SEC11A: variants seen among roughly 807,000 people sequenced by gnomAD.
SEC11A encodes SEC11 homolog A, signal peptidase complex subunit.
A neutral mutation model predicts 25.6 loss-of-function variants in SEC11A; 14 were observed. That is an observed-to-expected ratio of 0.55 (90% CI 0.36 to 0.85). The LOEUF is 0.85. Ranked by LOEUF, SEC11A falls within the 40% of genes least tolerant of loss-of-function variation. The pLI, the probability that SEC11A is intolerant of heterozygous loss-of-function variation, is 0.01. For missense variants in SEC11A, 153 were observed against 222.9 expected (o/e 0.69, Z 2.00); for synonymous variants, 83 against 76.4 (o/e 1.09, Z -0.45).
chr15:84,671,787 G>C (rs1896990184), intron 4 of SEC11A: 1 of 152,168 alleles, frequency 6.6e-6, no homozygotes, highest in Non-Finnish European at 1.5e-5. Context: ...ATGTCTGAAT[G>C]TCCGGGCCTT....
At chr15:84,680,927 G>T (rs1897269247) in intron 3 of SEC11A, 95 bp from the exon 4 acceptor site, 1 of 1,067,882 alleles carries the variant, frequency 9.4e-7, no homozygotes, top group Non-Finnish European at 1.3e-6. Flanking sequence ...TTGTGGCACT[G>T]GGGTATCTTT....
chr15:84,698,419 T>G (rs1897827488), intron 1 of SEC11A, among the ~76,000 whole-genome samples: 1 of 152,154 alleles, frequency 6.6e-6, no homozygotes, highest in Non-Finnish European at 1.5e-5. Flanking sequence ...ATCACAATTC[T>G]CCTGCTTTCT....
intron 1 of SEC11A, 38 bp downstream of exon 1, chr15:84,715,987 A>G (rs1898453918): frequency 6.2e-7 from 1 of 1,606,560 alleles, no homozygotes; most frequent in Non-Finnish European, 8.5e-7. Context: ...TCGAAGGGAC[A>G]AGAAGAGCCA....
At chr15:84,681,643 CA>C (rs993630848) in intron 3 of SEC11A, among the ~76,000 whole-genome samples, 1 of 151,730 alleles carries the variant, frequency 6.6e-6, no homozygotes, top group African/African-American at 2.4e-5. Context: ...ACGAAAAAAA[CA>C]AAAAAACAAG....
chr15:84,708,360 C>A (rs530742007), intron 1 of SEC11A, among the ~76,000 whole-genome samples: 12 of 151,716 alleles, frequency 7.9e-5, no homozygotes, highest in Middle Eastern at 3.2e-3. Flanking sequence ...AATGTTGATA[C>A]CCTGCCAGTA....
intron 5 of SEC11A, chr15:84,670,315 C>T: frequency 2.9e-6 from 1 of 341,200 alleles, no homozygotes; most frequent in Non-Finnish European, 5.4e-6. Flanking sequence ...AGTGCAGCAG[C>T]AACCTCCACC....
At chr15:84,699,721 T>TG in intron 1 of SEC11A, among the ~76,000 whole-genome samples, 6 of 151,466 alleles carry the variant, frequency 4.0e-5, no homozygotes, top group African/African-American at 1.5e-4. Context: ...GCCCAGGAGT[T>TG]CAAGACCTGC....
At chr15:84,676,780 C>G (rs1897145370) in intron 4 of SEC11A, among the ~76,000 whole-genome samples, 1 of 146,376 alleles carries the variant, frequency 6.8e-6, no homozygotes, top group East Asian at 2.1e-4. Context: ...GAGCAAAACT[C>G]CATCTCAAAA....
chr15:84,690,566 A>T (rs1897574388), intron 2 of SEC11A, among the ~76,000 whole-genome samples: 5 of 152,108 alleles, frequency 3.3e-5, no homozygotes, highest in Admixed American at 3.3e-4. Flanking sequence ...GCAGTGAGTT[A>T]TGACGGCGCC....
Position 84,680,727 on chromosome 15 carries a change from C to T in SEC11A, c.417G>A (p.Val139=). ...TCTATACTTACCCCCTGGCTCTCCC[C>T]ACAACATCTTTTTTCTCTAGCCAAT... The part of the protein sequence containing the change: ...GQHWLEKKDV[V]GRARGFVPYI... The change falls in exon 4 of 6, where the codon GTG becomes GTA. Residue 139 remains valine, a synonymous_variant. Coordinates refer to ENST00000268220, the MANE Select transcript of SEC11A (RefSeq NM_014300.4). 6.2e-7 allele frequency: 1 copy of T among 1,612,048 alleles called. No homozygotes were observed. Among genetic ancestry groups the T allele is most frequent in the Admixed American group, 1.7e-5 (1 of 59,840 alleles).
intron 1 of SEC11A, among the ~76,000 whole-genome samples, chr15:84,701,623 CA>C (rs1897945036): frequency 6.6e-6 from 1 of 151,700 alleles, no homozygotes; most frequent in Non-Finnish European, 1.5e-5. Flanking sequence ...AAACAACGTT[CA>C]ATTATATGCT....
chr15:84,671,375 T>A (rs1853561411), intron 4 of SEC11A: 1 of 152,230 alleles, frequency 6.6e-6, no homozygotes, highest in South Asian at 2.1e-4. Flanking sequence ...TTGGCAGCAT[T>A]TGACTTTCAT....
intron 3 of SEC11A, among the ~76,000 whole-genome samples, chr15:84,682,131 T>G (rs910605211): frequency 6.6e-6 from 1 of 152,016 alleles, no homozygotes; most frequent in African/African-American, 2.4e-5. Flanking sequence ...TATATATTAA[T>G]CATCACTGGG....
chr15:84,705,078 C>G (rs1346824568), intron 1 of SEC11A, among the ~76,000 whole-genome samples: 1 of 152,092 alleles, frequency 6.6e-6, no homozygotes. Flanking sequence ...GTGAGTACCA[C>G]CACGCCTGGC....
chr15:84,709,086 T>TA lies in SEC11A; in HGVS notation c.51+6938dup, dbSNP rs200628080. Reference sequence around the variant, plus strand: ...AGGGATCTAGTCACATCCTGGCCAATAAAAAAAATCTCAGCAAGCAGAGAA... The same window carrying TA: ...AGGGATCTAGTCACATCCTGGCCAATAAAAAAAAATCTCAGCAAGCAGAGAA... On this transcript the variant is annotated intron_variant, in intron 1 of 5. Coordinates refer to ENST00000268220, the MANE Select transcript of SEC11A (RefSeq NM_014300.4). Among the ~76,000 whole-genome samples the TA allele has an allele frequency of 8.9e-3, 1,359 of 151,876 alleles. 25 individuals are homozygous for TA. The highest frequency in any genetic ancestry group is 0.031 in the African/African-American group (1,289 of 41,418).
chr15:84,677,597 A>T (rs1451595394), intron 4 of SEC11A, among the ~76,000 whole-genome samples: 1 of 150,560 alleles, frequency 6.6e-6, no homozygotes, highest in Non-Finnish European at 1.5e-5. Flanking sequence ...CTCAGCCTCC[A>T]GAGTCACTGG....
rs575076215 is a variant in SEC11A, at chr15:84,700,394, G to T, written c.52-8750C>A. Among the ~76,000 whole-genome samples, 13 of 151,312 alleles carry T rather than the reference G, an allele frequency of 8.6e-5. 1 individual carries two copies. The highest frequency in any genetic ancestry group is 3.2e-4 in the African/African-American group (13 of 40,818). On this transcript the variant is annotated intron_variant, in intron 1 of 5. Coordinates refer to ENST00000268220, the MANE Select transcript of SEC11A (RefSeq NM_014300.4). Reference sequence around the variant, plus strand: ...GCAGATCACATGGTCAGGAGTTCTAGACTGGCCTGGCCAACATGGTAAAAT... The same window carrying T: ...GCAGATCACATGGTCAGGAGTTCTATACTGGCCTGGCCAACATGGTAAAAT...
chr15:84,679,215 T>C, intron 4 of SEC11A: 1 of 1,151,270 alleles, frequency 8.7e-7, no homozygotes, highest in African/African-American at 1.6e-5. Context: ...TTGGAGAGTT[T>C]AAATAATCAC....
At chr15:84,690,936 A>G (rs747763034) in intron 2 of SEC11A, among the ~76,000 whole-genome samples, 5 of 152,232 alleles carry the variant, frequency 3.3e-5, no homozygotes, top group Non-Finnish European at 5.9e-5. Flanking sequence ...ATTTCAGGAA[A>G]ATAAAGTACA....
Sources: allele counts gnomAD v4.1 joint callset (sites outside exome capture counted in the v4.1 genomes callset), GRCh38; gene constraint gnomAD v4.1.1; transcripts MANE v1.5; gene names NCBI Gene and HGNC (gene_info 2026-07-23, HGNC 2026-07-21).